DNAH9: variants seen among roughly 807,000 people sequenced by gnomAD.
The protein encoded by DNAH9 is dynein axonemal heavy chain 9, also known as DNAH9 variant protein.
DNAH9 carries 345 observed loss-of-function variants against 471.6 expected under a neutral mutation model. The observed-to-expected ratio is 0.73, with a 90% CI of 0.67 to 0.80. The LOEUF is 0.80. DNAH9 is among the 30% of genes least tolerant of loss of function. The pLI is 0.00. For missense variants in DNAH9, 5,407 were observed against 5,609.2 expected, an observed-to-expected ratio of 0.96 and a Z score of 1.15; for synonymous variants, 2,093 against 2,123.6, an observed-to-expected ratio of 0.99 and a Z score of 0.40.
chr17:11,769,659 C>T (rs1305270931), intron 38 of DNAH9, among the ~76,000 whole-genome samples: 3 of 152,224 alleles, frequency 2.0e-5, no homozygotes, highest in African/African-American at 7.2e-5. Flanking sequence ...AACTTGCAGA[C>T]TTCCGGCACT....
At chr17:11,771,413 G>A (rs1567790764) in intron 38 of DNAH9, among the ~76,000 whole-genome samples, 1 of 152,200 alleles carries the variant, frequency 6.6e-6, no homozygotes, top group Non-Finnish European at 1.5e-5. Flanking sequence ...ACAGGTGTGA[G>A]CCACTGCAGC....
chr17:11,823,442 A>G (rs1239782565), intron 48 of DNAH9, among the ~76,000 whole-genome samples: 1 of 152,048 alleles, frequency 6.6e-6, no homozygotes, highest in Admixed American at 6.5e-5. Context: ...CTTCCCTTCC[A>G]TCCTCAAAAC....
At chr17:11,668,923 C>A (rs2073928892) in intron 15 of DNAH9, 141 bp from the exon 16 acceptor site, 1 of 639,760 alleles carries the variant, frequency 1.6e-6, no homozygotes, top group East Asian at 2.7e-5. Context: ...GGGATGTAAA[C>A]AAAATTTTAC....
intron 52 of DNAH9, among the ~76,000 whole-genome samples, chr17:11,873,789 T>G (rs1291010589): frequency 1.6e-5 from 2 of 128,276 alleles, no homozygotes; most frequent in Admixed American, 8.7e-5. Context: ...GATTTGGGGG[T>G]GATGAAATGT....
intron 22 of DNAH9, among the ~76,000 whole-genome samples, chr17:11,698,195 A>T (rs1202801567): frequency 1.5e-5 from 2 of 129,434 alleles, no homozygotes; most frequent in African/African-American, 2.9e-5. Context: ...TATTAATATA[A>T]TAATATATTA....
chr17:11,700,378 T>C (rs1457969125), intron 23 of DNAH9, among the ~76,000 whole-genome samples: 1 of 152,066 alleles, frequency 6.6e-6, no homozygotes, highest in Non-Finnish European at 1.5e-5. Flanking sequence ...GAGAACAAAC[T>C]ACCACCGTGC....
chr17:11,733,345 C>A (rs1293720874), intron 28 of DNAH9, among the ~76,000 whole-genome samples: 1 of 152,202 alleles, frequency 6.6e-6, no homozygotes, highest in Non-Finnish European at 1.5e-5. Flanking sequence ...GACAGCATGG[C>A]CTTAATACTT....
intron 26 of DNAH9, among the ~76,000 whole-genome samples, chr17:11,718,584 G>A (rs569474965): frequency 1.3e-5 from 2 of 152,318 alleles, no homozygotes; most frequent in African/African-American, 4.8e-5. Flanking sequence ...ATTGTTACTG[G>A]TAAAAAGAGT....
intron 59 of DNAH9, among the ~76,000 whole-genome samples, chr17:11,902,488 T>C (rs1424921897): frequency 6.6e-6 from 1 of 152,182 alleles, no homozygotes; most frequent in Non-Finnish European, 1.5e-5. Context: ...GCTAATAATA[T>C]CCCAAACATT....
intron 67 of DNAH9, among the ~76,000 whole-genome samples, chr17:11,943,625 C>T (rs557211078): frequency 1.3e-5 from 2 of 152,100 alleles, no homozygotes; most frequent in South Asian, 2.1e-4. Context: ...TGCAGTGAGC[C>T]GAGATCGCAC....
intron 38 of DNAH9, among the ~76,000 whole-genome samples, chr17:11,773,172 C>T (rs192136297): frequency 1.3e-5 from 2 of 152,166 alleles, no homozygotes; most frequent in African/African-American, 2.4e-5. Flanking sequence ...TTCATGAACC[C>T]GTTAACTCAT....
chr17:11,902,869 A>G lies in DNAH9; in HGVS notation c.11557A>G (p.Met3853Val), dbSNP rs1973459117. Residue 3853 changes from methionine to valine, a missense_variant, in exon 60 of 69, where the codon ATG (methionine) becomes GTG (valine). Around this residue, in one of 3 missense-constraint regions of DNAH9, gnomAD observed 4,636 missense variants for 4,900.3 expected, o/e 0.95. Transcript: ENST00000262442. ...CAAGACAGCCCTGCAGCGCCTCTGC[A>G]TGCTGAGAGCCATGCGGCCCGACCG... ...KNKTALQRLC[M>V]LRAMRPDRMT... The G allele has an allele frequency of 1.9e-6, 3 of 1,613,830 alleles. No homozygotes were observed. The highest frequency in any genetic ancestry group is 2.5e-6 in the Non-Finnish European group (3 of 1,179,868).
intron 62 of DNAH9, among the ~76,000 whole-genome samples, chr17:11,926,308 T>C (rs1974326321): frequency 6.6e-6 from 1 of 152,114 alleles, no homozygotes; most frequent in African/African-American, 2.4e-5. Flanking sequence ...GTTTGTTCCA[T>C]AGGTAAACAT....
intron 19 of DNAH9, among the ~76,000 whole-genome samples, chr17:11,685,098 T>G (rs148772430): frequency 6.6e-6 from 1 of 152,140 alleles, no homozygotes; most frequent in South Asian, 2.1e-4. Flanking sequence ...CAAGGACTTA[T>G]AGCCTCAGGG....
At chr17:11,722,349 G>A (rs2075073932) in intron 27 of DNAH9, among the ~76,000 whole-genome samples, 1 of 152,176 alleles carries the variant, frequency 6.6e-6, no homozygotes, top group Non-Finnish European at 1.5e-5. Flanking sequence ...CGGAACTGGA[G>A]CAAAAGCATA....
chr17:11,679,882 G>T lies in DNAH9; in HGVS notation c.3479G>T (p.Ser1160Ile), dbSNP rs565053303. ...GHLMAVKERQ[S>I]NTDEMFEPLK... is the part of the protein sequence containing the mutation. ...CTTATGGCTGTTAAAGAACGGCAGA[G>T]TAACACTGATGAGATGTTTGAGCCC... The change falls in exon 18 of 69, where the codon AGT (serine) becomes ATT (isoleucine). Residue 1160 changes from serine (S) to isoleucine (I), a missense_variant. Ser to Ile is a moderately radical substitution (Grantham distance 142). Around this residue, in one of 3 missense-constraint regions of DNAH9, gnomAD observed 4,636 missense variants for 4,900.3 expected, o/e 0.95. Transcript: ENST00000262442. 100 of 1,614,118 alleles carry T rather than the reference G, an allele frequency of 6.2e-5. No homozygotes were observed. In the South Asian group the frequency reaches 1.0e-3, roughly 17 times the overall value.
chr17:11,614,655 C>T (rs927388749), intron 4 of DNAH9, among the ~76,000 whole-genome samples: 6 of 152,172 alleles, frequency 3.9e-5, no homozygotes, highest in Non-Finnish European at 5.9e-5. Context: ...CTGAGAAGTT[C>T]GAGATCAAGG....
At chr17:11,658,155 C>T (rs1018820916) in intron 14 of DNAH9, among the ~76,000 whole-genome samples, 1 of 152,156 alleles carries the variant, frequency 6.6e-6, no homozygotes, top group Non-Finnish European at 1.5e-5. Flanking sequence ...TTTATGAACC[C>T]GGCATATCTC....
At chr17:11,963,971 T>C (rs944801923) in intron 68 of DNAH9, among the ~76,000 whole-genome samples, 1 of 152,158 alleles carries the variant, frequency 6.6e-6, no homozygotes, top group African/African-American at 2.4e-5. Context: ...AGGAAAGGTA[T>C]GGGATGGTTT....
Sources: allele counts gnomAD v4.1 joint callset (sites outside exome capture counted in the v4.1 genomes callset), GRCh38; gene constraint gnomAD v4.1.1; regional missense constraint gnomAD v4.1.1; transcripts MANE v1.5; gene names NCBI Gene and HGNC (gene_info 2026-07-23, HGNC 2026-07-21).